Variants in AFF3 observed in about 807,000 individuals in gnomAD.
The protein encoded by AFF3 is AF4/FMR2 family member 3.
AFF3 carries 32 observed loss-of-function variants against 129.7 expected under a neutral mutation model. The observed-to-expected ratio is 0.25, with a 90% CI of 0.19 to 0.33. The LOEUF is 0.33. Ranked by LOEUF, AFF3 falls within the 10% of genes least tolerant of loss-of-function variation. AFF3 has a pLI of 1.00. For synonymous variants in AFF3, 644 were observed against 635.4 expected, an observed-to-expected ratio of 1.01 and a Z score of -0.20; for missense variants, 1,373 against 1,592.0, an observed-to-expected ratio of 0.86 and a Z score of 2.34.
chr2:99,751,302 A>G (rs1398890716), intron 9 of AFF3, among the ~76,000 whole-genome samples: 1 of 152,208 alleles, frequency 6.6e-6, no homozygotes, highest in African/African-American at 2.4e-5. Flanking sequence ...CATGTTGGCC[A>G]GGCTGGTCTT....
intron 7 of AFF3, 47 bp from the exon 8 acceptor site, chr2:99,837,571 A>G (rs768067016): frequency 1.0e-5 from 16 of 1,565,538 alleles, no homozygotes; most frequent in Non-Finnish European, 1.3e-5. Flanking sequence ...TAGATTGATG[A>G]CCACACAGAA....
At chr2:99,655,705 A>AT (rs1277545610) in intron 12 of AFF3, among the ~76,000 whole-genome samples, 1 of 152,174 alleles carries the variant, frequency 6.6e-6, no homozygotes, top group Non-Finnish European at 1.5e-5. Flanking sequence ...GGGCTTGCTT[A>AT]TATGTTCTTT....
chr2:99,606,656 G>A (rs1025724034), intron 13 of AFF3, among the ~76,000 whole-genome samples: 3 of 152,096 alleles, frequency 2.0e-5, no homozygotes, highest in Admixed American at 6.5e-5. Flanking sequence ...GGTGGCTCAC[G>A]TCTGTAATCC....
intron 11 of AFF3, among the ~76,000 whole-genome samples, chr2:99,673,253 ATCAG>A (rs1215962984): frequency 1.3e-5 from 2 of 152,080 alleles, no homozygotes; most frequent in Admixed American, 6.5e-5. Flanking sequence ...TAGGCCATCC[ATCAG>A]TCAAAGAGCT....
chr2:99,916,710 G>C (rs181894272), intron 7 of AFF3, among the ~76,000 whole-genome samples: 1 of 151,994 alleles, frequency 6.6e-6, no homozygotes, highest in Non-Finnish European at 1.5e-5. Flanking sequence ...CTCCAGTCAC[G>C]TCCTGAGAAC....
intron 7 of AFF3, among the ~76,000 whole-genome samples, chr2:99,996,819 C>T (rs567811999): frequency 2.6e-4 from 39 of 152,234 alleles, no homozygotes; most frequent in African/African-American, 9.4e-4. Flanking sequence ...CTTTCTCAAA[C>T]CCAAGTAGAC....
At chr2:99,667,603 T>A (rs1328877178) in intron 12 of AFF3, among the ~76,000 whole-genome samples, 2 of 152,088 alleles carry the variant, frequency 1.3e-5, no homozygotes, top group Non-Finnish European at 2.9e-5. Context: ...TTAATAAACC[T>A]CTAGCAAGAC....
intron 7 of AFF3, among the ~76,000 whole-genome samples, chr2:99,982,571 G>A (rs948963935): frequency 5.9e-5 from 9 of 152,146 alleles, no homozygotes; most frequent in African/African-American, 2.2e-4. Flanking sequence ...TCCAGCTTAG[G>A]AGCTTAGGCA....
Position 99,593,631 on chromosome 2 carries a change from G to A in AFF3, c.2030C>T (p.Ser677Leu), listed in dbSNP as rs1205819053. The A allele has an allele frequency of 1.9e-6, 3 of 1,609,448 alleles. No individual in the cohort carries two copies. The highest frequency in any genetic ancestry group is 2.2e-5 in the South Asian group (2 of 90,942). Residue 677 changes from serine to leucine, a missense_variant, in exon 15 of 25, where the codon TCG becomes TTG. By Grantham distance (145) the Ser-to-Leu change is moderately radical (BLOSUM62 -2). Transcript: ENST00000672756. Reference protein sequence around the residue: ...ETESSSSSSSSDSDLESEQEE... With the variant: ...ETESSSSSSSLDSDLESEQEE... ...CTGCTCGGACTCCAGGTCGGAGTCC[G>A]AGGAGGAGGATGAAGATGACGACTC...
chr2:99,606,214 A>G (rs958178685), intron 13 of AFF3, among the ~76,000 whole-genome samples: 1 of 152,214 alleles, frequency 6.6e-6, no homozygotes, highest in Admixed American at 6.5e-5. Context: ...GCAGTAAACC[A>G]TGATTGTGCC....
chr2:99,636,364 C>A (rs2105446438), intron 13 of AFF3, among the ~76,000 whole-genome samples: 1 of 152,256 alleles, frequency 6.6e-6, no homozygotes, highest in South Asian at 2.1e-4. Flanking sequence ...TGGATTGGGG[C>A]CAGTGAGCAG....
intron 16 of AFF3, among the ~76,000 whole-genome samples, chr2:99,584,020 A>T (rs1261681937): frequency 6.6e-6 from 1 of 152,140 alleles, no homozygotes; most frequent in Non-Finnish European, 1.5e-5. Context: ...CACATTTCTA[A>T]AAAGACTTTT....
chr2:99,861,898 A>G (rs1314819185), intron 7 of AFF3, among the ~76,000 whole-genome samples: 1 of 152,166 alleles, frequency 6.6e-6, no homozygotes, highest in African/African-American at 2.4e-5. Context: ...ATTTTTAAAG[A>G]AACTTTGCAA....
chr2:99,935,014 C>A (rs1460997335), intron 7 of AFF3, among the ~76,000 whole-genome samples: 1 of 152,190 alleles, frequency 6.6e-6, no homozygotes, highest in Non-Finnish European at 1.5e-5. Context: ...CCTTATTTCT[C>A]AAAAAGTTTT....
chr2:100,074,446 A>T (rs1476887179), intron 4 of AFF3, among the ~76,000 whole-genome samples: 1 of 152,218 alleles, frequency 6.6e-6, no homozygotes, highest in Non-Finnish European at 1.5e-5. Flanking sequence ...TATGTTAATA[A>T]TCATGATAAT....
intron 7 of AFF3, among the ~76,000 whole-genome samples, chr2:99,904,217 T>C (rs1481595548): frequency 6.6e-6 from 1 of 152,138 alleles, no homozygotes; most frequent in Non-Finnish European, 1.5e-5. Flanking sequence ...GAGATAAATC[T>C]GTGTCTCCTC....
chr2:99,629,740 C>T (rs6758378), intron 13 of AFF3, among the ~76,000 whole-genome samples: 31 of 152,200 alleles, frequency 2.0e-4, no homozygotes, highest in Middle Eastern at 3.4e-3. Context: ...GGAGGCTCCT[C>T]GTCCCGGTGT....
chr2:100,016,108 G>T (rs112386479), intron 4 of AFF3, among the ~76,000 whole-genome samples: 3 of 151,458 alleles, frequency 2.0e-5, no homozygotes, highest in African/African-American at 7.3e-5. Context: ...AGTGATGGTG[G>T]TGGTGGTAGC....
At chr2:99,728,774 C>A (rs1679570060) in intron 10 of AFF3, among the ~76,000 whole-genome samples, 1 of 152,148 alleles carries the variant, frequency 6.6e-6, no homozygotes, top group Non-Finnish European at 1.5e-5. Context: ...ACATATAAAA[C>A]CATGTTGGAA....
Sources: gnomAD v4.1 joint callset for allele counts (sites outside exome capture counted in the v4.1 genomes callset) on GRCh38, gnomAD v4.1.1 for gene constraint, MANE v1.5 for transcripts, NCBI Gene and HGNC (gene_info 2026-07-23, HGNC 2026-07-21) for gene names.